SLIT3: variants seen among roughly 807,000 people sequenced by gnomAD.
SLIT3 encodes slit guidance ligand 3, also known as slit homolog 3 protein.
Under a neutral mutation model 184.0 loss-of-function variants are expected in SLIT3, and 68 were observed. The observed-to-expected ratio is 0.37, with a 90% CI of 0.30 to 0.45. SLIT3 has a LOEUF of 0.45. SLIT3 is among the 20% of genes least tolerant of loss of function. The probability of loss-of-function intolerance (pLI) is 1.00; values close to 1 mark genes in which losing one functional copy is unlikely to be tolerated. For missense variants in SLIT3, 1,707 were observed against 2,026.0 expected, an observed-to-expected ratio of 0.84 and a Z score of 3.02; for synonymous variants, 831 against 828.6, an observed-to-expected ratio of 1.00 and a Z score of -0.05.
intron 16 of SLIT3, among the ~76,000 whole-genome samples, chr5:168,757,644 T>C (rs2337553): frequency 0.58 from 88,219 of 151,974 alleles, 25,749 homozygotes; most frequent in East Asian, 0.73. Flanking sequence ...ACCGTGTTAG[T>C]CAGGATGGTC....
chr5:169,058,143 C>T (rs746301601), intron 4 of SLIT3, among the ~76,000 whole-genome samples: 18 of 152,278 alleles, frequency 1.2e-4, no homozygotes, highest in Non-Finnish European at 2.2e-4. Flanking sequence ...GGTCTTCTCA[C>T]GTGACTTCTC....
In SLIT3 at chr5:169,081,499, G is replaced by A. The variant is rs192064266; in HGVS notation, c.413+111980C>T. On this transcript the variant is annotated intron_variant, in intron 4 of 35. Coordinates refer to ENST00000519560, the MANE Select transcript of SLIT3 (RefSeq NM_003062.4). ...GGTCCCCAAATGTGCAGGTGCTAAT[G>A]GGGCCCTTTCCTCCTGGGGTTTTTA... Among the ~76,000 whole-genome samples the A allele has an allele frequency of 2.6e-5, 4 of 152,270 alleles. No individual in the cohort carries two copies. In the East Asian group the frequency reaches 7.7e-4, roughly 29 times the overall value.
At chr5:168,776,690 A>G (rs1457686253) in intron 12 of SLIT3, among the ~76,000 whole-genome samples, 1 of 152,156 alleles carries the variant, frequency 6.6e-6, no homozygotes, top group Non-Finnish European at 1.5e-5. Flanking sequence ...TGCTTTGTGT[A>G]TTAAATTTTA....
intron 4 of SLIT3, among the ~76,000 whole-genome samples, chr5:169,084,008 T>C (rs1759179534): frequency 6.6e-6 from 1 of 152,216 alleles, no homozygotes; most frequent in South Asian, 2.1e-4. Context: ...ACCTTACCAG[T>C]GACCAGGATC....
Position 168,671,491 on chromosome 5 carries a change from A to G in SLIT3, c.3842-8T>C, listed in dbSNP as rs745746086. 1.2e-6 allele frequency: 2 copies of G among 1,606,996 alleles called. No individual in the cohort carries two copies. The highest frequency in any genetic ancestry group is 2.2e-5 in the South Asian group (2 of 89,916). On this transcript the variant is annotated splice_region_variant and splice_polypyrimidine_tract_variant and intron_variant, in intron 33 of 35. Coordinates refer to ENST00000519560, the MANE Select transcript of SLIT3 (RefSeq NM_003062.4). ...CGGTGGAGGTGGGGATGCCTGTGGG[A>G]GGGGAGCCAGGACAGTGGCCTGAAG...
chr5:169,129,244 G>C (rs1246399880), intron 4 of SLIT3, among the ~76,000 whole-genome samples: 1 of 152,100 alleles, frequency 6.6e-6, no homozygotes, highest in Non-Finnish European at 1.5e-5. Flanking sequence ...ACTCTCTTAA[G>C]AGATACTTAT....
chr5:169,087,882 A>C (rs1759373827), intron 4 of SLIT3, among the ~76,000 whole-genome samples: 1 of 152,226 alleles, frequency 6.6e-6, no homozygotes, highest in African/African-American at 2.4e-5. Flanking sequence ...ATCAAAAATA[A>C]GTGTTAGTGA....
chr5:169,003,808 T>C (rs1168743415), intron 4 of SLIT3, among the ~76,000 whole-genome samples: 1 of 151,994 alleles, frequency 6.6e-6, no homozygotes, highest in Non-Finnish European at 1.5e-5. Context: ...CATGAACTAA[T>C]GTTGGGGTTG....
At chr5:168,775,458 C>T (rs558431522) in intron 12 of SLIT3, among the ~76,000 whole-genome samples, 2 of 152,168 alleles carry the variant, frequency 1.3e-5, no homozygotes, top group East Asian at 3.9e-4. Context: ...CTCAAATGTC[C>T]GCTCCTCAGA....
chr5:168,932,653 C>T (rs925632777), intron 4 of SLIT3, among the ~76,000 whole-genome samples: 1 of 152,174 alleles, frequency 6.6e-6, no homozygotes, highest in South Asian at 2.1e-4. Flanking sequence ...AACAGGACTG[C>T]GGTCAGATCC....
intron 4 of SLIT3, among the ~76,000 whole-genome samples, chr5:169,102,340 AAT>A (rs1240154990): frequency 5.3e-5 from 8 of 152,154 alleles, no homozygotes; most frequent in Non-Finnish European, 1.5e-5. Flanking sequence ...CATATTCATG[AAT>A]ATATATACAG....
chr5:168,852,351 G>A (rs1237963287), intron 5 of SLIT3, among the ~76,000 whole-genome samples: 4 of 152,182 alleles, frequency 2.6e-5, no homozygotes, highest in African/African-American at 4.8e-5. Flanking sequence ...TTATCCCCAT[G>A]GGGGTTTCAG....
intron 26 of SLIT3, among the ~76,000 whole-genome samples, chr5:168,703,226 TTGTGTGTGTG>T (rs370363011): frequency 0.03 from 3,832 of 126,632 alleles, 79 homozygotes; most frequent in African/African-American, 0.051. Context: ...TCATCCCACT[TTGTGTGTGTG>T]TGTGTGTGTG....
intron 4 of SLIT3, among the ~76,000 whole-genome samples, chr5:168,929,289 T>C (rs912682405): frequency 6.6e-6 from 1 of 152,262 alleles, no homozygotes; most frequent in Admixed American, 6.5e-5. Flanking sequence ...GTTATTATTG[T>C]TGCTGTTATA....
chr5:169,154,524 T>G (rs970786922), intron 4 of SLIT3, among the ~76,000 whole-genome samples: 2 of 152,250 alleles, frequency 1.3e-5, no homozygotes, highest in Non-Finnish European at 2.9e-5. Context: ...AGGTGCATCC[T>G]GAGAGAGGGA....
At chr5:168,799,321 TA>T (rs1756683624) in intron 9 of SLIT3, among the ~76,000 whole-genome samples, 1 of 152,214 alleles carries the variant, frequency 6.6e-6, no homozygotes. Context: ...ACAGCTGATT[TA>T]GGTCTCTCTT....
chr5:169,154,848 C>T (rs1762246407), intron 4 of SLIT3, among the ~76,000 whole-genome samples: 1 of 152,184 alleles, frequency 6.6e-6, no homozygotes, highest in Non-Finnish European at 1.5e-5. Context: ...AGAAAATAAG[C>T]ATGATCAGCA....
intron 4 of SLIT3, among the ~76,000 whole-genome samples, chr5:168,969,023 T>C (rs1393755157): frequency 2.0e-5 from 3 of 152,170 alleles, no homozygotes; most frequent in East Asian, 3.9e-4. Flanking sequence ...TGGAGGAGTT[T>C]TGTTCAGAAA....
At chr5:169,295,354 C>T (rs1464504531) in intron 1 of SLIT3, among the ~76,000 whole-genome samples, 3 of 152,258 alleles carry the variant, frequency 2.0e-5, no homozygotes, top group African/African-American at 7.2e-5. Context: ...GTTAAGAAAT[C>T]ATAGAGGGAT....
Sources: gnomAD v4.1 joint callset for allele counts (sites outside exome capture counted in the v4.1 genomes callset) on GRCh38, gnomAD v4.1.1 for gene constraint, MANE v1.5 for transcripts, NCBI Gene and HGNC (gene_info 2026-07-23, HGNC 2026-07-21) for gene names.